The following SYTL2 variants were observed in gnomAD, a reference collection of about 807,000 sequenced individuals.
SYTL2 encodes synaptotagmin-like protein 2.
A neutral mutation model predicts 198.7 loss-of-function variants in SYTL2; 165 were observed. That is an observed-to-expected ratio of 0.83 (90% CI 0.73 to 0.94). The LOEUF (loss-of-function observed/expected upper bound fraction) is 0.94, where lower values mean the gene tolerates loss of function less well. SYTL2 is among the 40% of genes least tolerant of loss of function. The probability of loss-of-function intolerance (pLI) is 0.00; values close to 1 mark genes in which losing one functional copy is unlikely to be tolerated. For synonymous variants in SYTL2, 966 were observed against 917.7 expected, an observed-to-expected ratio of 1.05 and a Z score of -0.95; for missense variants, 2,835 against 2,582.8, an observed-to-expected ratio of 1.10 and a Z score of -2.12.
At position 85,724,592 on chromosome 11, in the gene SYTL2, T is replaced by A. The variant is rs2088854569; in HGVS notation, c.4766A>T (p.Glu1589Val). 1 of 1,613,008 alleles carries A rather than the reference T, an allele frequency of 6.2e-7. No individual in the cohort carries two copies. The highest frequency in any genetic ancestry group is 8.5e-7 in the Non-Finnish European group (1 of 1,179,714). Residue 1589 changes from glutamate to valine, a missense_variant, in exon 8 of 20, where the codon GAA (glutamate) becomes GTA (valine). By Grantham distance (121) the Glu-to-Val change is moderately radical. Transcript: ENST00000359152. Reference protein sequence around the residue: ...PPYQPQVSVREETHEKESSQS... With the variant: ...PPYQPQVSVRVETHEKESSQS... ...TGAGGACTCCTTCTCGTGAGTTTCTTCTCTCACTGACACCTGGGGCTGATA... is the reference window on the plus strand; with the variant it reads ...TGAGGACTCCTTCTCGTGAGTTTCTACTCTCACTGACACCTGGGGCTGATA...
intron 1 of SYTL2, among the ~76,000 whole-genome samples, chr11:85,772,597 G>A (rs1171548494): frequency 6.6e-6 from 1 of 152,228 alleles, no homozygotes; most frequent in Non-Finnish European, 1.5e-5. Context: ...TATGAAGGCA[G>A]AATGACCAAC....
rs1041247704 is a variant in SYTL2, at chr11:85,698,016, G to A, written c.6331C>T (p.Leu2111=). ...IWVKECLDLP[L]LRGSHLNSFV... is the part of the protein sequence containing the mutation. ...GAATTTAGATGACTTCCCCTTAGCA[G>A]TGGTAGATCAAGGCATTCCTTCACC... Residue 2111 remains leucine (L), a synonymous_variant, in exon 18 of 20, where the codon CTG becomes TTG. Coordinates refer to ENST00000359152, the MANE Select transcript of SYTL2 (RefSeq NM_206927.4). The A allele has an allele frequency of 6.8e-6, 11 of 1,613,568 alleles. No individual in the cohort carries two copies. Among genetic ancestry groups the A allele is most frequent in the Non-Finnish European group, 9.3e-6 (11 of 1,179,666 alleles).
chr11:85,735,083 G>A (rs1205609024), intron 6 of SYTL2, among the ~76,000 whole-genome samples: 3 of 152,218 alleles, frequency 2.0e-5, no homozygotes, highest in African/African-American at 4.8e-5. Context: ...TTCATCACGT[G>A]TAACAAATGT....
intron 1 of SYTL2, among the ~76,000 whole-genome samples, chr11:85,806,947 G>A (rs1010346875): frequency 2.6e-4 from 39 of 152,262 alleles, no homozygotes; most frequent in Admixed American, 2.6e-3. Context: ...GCCTCCCAGT[G>A]CAGGGCCCAT....
chr11:85,702,069 C>T (rs1246668331), intron 16 of SYTL2, among the ~76,000 whole-genome samples: 1 of 152,134 alleles, frequency 6.6e-6, no homozygotes, highest in Non-Finnish European at 1.5e-5. Context: ...TGGAAAAACA[C>T]TCTAGACCAG....
At chr11:85,789,400 A>ATATATAT (rs2092698741) in intron 1 of SYTL2, among the ~76,000 whole-genome samples, 2 of 89,360 alleles carry the variant, frequency 2.2e-5, no homozygotes, top group African/African-American at 5.2e-5. Context: ...ATATATATAT[A>ATATATAT]ATTTTTTTTT....
intron 4 of SYTL2, among the ~76,000 whole-genome samples, chr11:85,743,935 A>G (rs2153516544): frequency 6.6e-6 from 1 of 151,858 alleles, no homozygotes; most frequent in East Asian, 1.9e-4. Context: ...CCCAGTCCCC[A>G]TCAAAGCCAG....
chr11:85,759,861 C>A (rs775326949), intron 1 of SYTL2, among the ~76,000 whole-genome samples: 12 of 152,164 alleles, frequency 7.9e-5, no homozygotes, highest in African/African-American at 2.9e-4. Context: ...ATCAAAGTTA[C>A]CACCTCCATG....
At chr11:85,819,534 C>G in the SYTL2 span, among the ~76,000 whole-genome samples, 17 of 152,200 alleles carry the variant, frequency 1.1e-4, no homozygotes, top group African/African-American at 4.1e-4. Context: ...TTAGCCTAAG[C>G]TTTTCACATG....
chr11:85,812,413 C>T (rs2093046890), upstream of SYTL2, among the ~76,000 whole-genome samples: 1 of 152,180 alleles, frequency 6.6e-6, no homozygotes, highest in South Asian at 2.1e-4. Flanking sequence ...TTCTGGCTTC[C>T]TTCAGCCTTT....
At chr11:85,705,235 C>T in intron 15 of SYTL2, 1 of 444,150 alleles carries the variant, frequency 2.3e-6, no homozygotes, top group Non-Finnish European at 4.0e-6. Flanking sequence ...GATTTGCTTC[C>T]CCACTCTGGA....
chr11:85,807,089 C>T (rs1479320311), intron 1 of SYTL2, among the ~76,000 whole-genome samples: 1 of 152,258 alleles, frequency 6.6e-6, no homozygotes, highest in African/African-American at 2.4e-5. Context: ...CTTAGCAAGC[C>T]TCTGCCTTGC....
chr11:85,702,084 T>C (rs2084382758), intron 16 of SYTL2, among the ~76,000 whole-genome samples: 1 of 152,130 alleles, frequency 6.6e-6, no homozygotes, highest in Non-Finnish European at 1.5e-5. Context: ...GACCAGTGGT[T>C]TTCAAAGTAC....
chr11:85,738,789 GA>G (rs2090559915), intron 4 of SYTL2, among the ~76,000 whole-genome samples: 1 of 152,114 alleles, frequency 6.6e-6, no homozygotes, highest in African/African-American at 2.4e-5. Context: ...ATAATCAGAA[GA>G]CCTGAGCCAA....
intron 17 of SYTL2, among the ~76,000 whole-genome samples, chr11:85,699,955 A>G (rs1419595080): frequency 6.6e-6 from 1 of 152,212 alleles, no homozygotes; most frequent in Non-Finnish European, 1.5e-5. Flanking sequence ...CCTGTGAAAA[A>G]GAACACTCAG....
At chr11:85,711,387 T>G (rs290201) in intron 12 of SYTL2, among the ~76,000 whole-genome samples, 155 bp from the exon 13 acceptor site, 62,605 of 151,966 alleles carry the variant, frequency 0.41, 13,571 homozygotes, top group East Asian at 0.58. Flanking sequence ...GGATTCAGGA[T>G]GGAGTGGGTG....
chr11:85,812,290 A>G (rs1310194086), upstream of SYTL2, among the ~76,000 whole-genome samples: 1 of 152,128 alleles, frequency 6.6e-6, no homozygotes, highest in African/African-American at 2.4e-5. Context: ...TGGTTCTTCC[A>G]AAGGTCTTCC....
Position 85,726,660 on chromosome 11 carries a change from C to T in SYTL2, c.2698G>A (p.Val900Met). ...TTTTTCTTATTCTGAAACAGAGACACTTTATCTGATTGCTCAGCTGAAAGA... is the reference window on the plus strand; with the variant it reads ...TTTTTCTTATTCTGAAACAGAGACATTTTATCTGATTGCTCAGCTGAAAGA... Reference protein sequence around the residue: ...YYLSAEQSDKVSLFQNKKNEP... With the variant: ...YYLSAEQSDKMSLFQNKKNEP... The change falls in exon 8 of 20, where the codon GTG becomes ATG. Residue 900 changes from valine (V) to methionine (M), a missense_variant. Physicochemically the swap from Val to Met is conservative, Grantham distance 21. This residue lies in a region of SYTL2 where 2,645 missense variants were observed against 2,381.7 expected (regional missense o/e 1.11). Coordinates refer to ENST00000359152, the MANE Select transcript of SYTL2 (RefSeq NM_206927.4). The T allele has an allele frequency of 6.5e-7, 1 of 1,536,728 alleles. No individual in the cohort carries two copies.
At chr11:85,765,915 G>T (rs1337359137) in intron 1 of SYTL2, among the ~76,000 whole-genome samples, 1 of 152,136 alleles carries the variant, frequency 6.6e-6, no homozygotes, top group African/African-American at 2.4e-5. Context: ...CCAACCAAGC[G>T]CAAGATAATG....
Sources: gnomAD v4.1 joint callset for allele counts (sites outside exome capture counted in the v4.1 genomes callset) on GRCh38, gnomAD v4.1.1 for gene constraint, gnomAD v4.1.1 regional missense constraint, MANE v1.5 for transcripts, NCBI Gene and HGNC (gene_info 2026-07-23, HGNC 2026-07-21) for gene names.